The following SLC10A7 variants were observed in gnomAD, a reference collection of about 807,000 sequenced individuals.
SLC10A7 encodes solute carrier family 10 member 7.
In SLC10A7, 29 loss-of-function variants were observed where a neutral mutation model predicts 43.2. That is an observed-to-expected ratio of 0.67 (90% CI 0.50 to 0.92). SLC10A7 has a LOEUF of 0.92. SLC10A7 is among the 40% of genes least tolerant of loss of function. The probability of loss-of-function intolerance (pLI) is 0.00; values close to 1 mark genes in which losing one functional copy is unlikely to be tolerated. For synonymous variants in SLC10A7, 152 were observed against 144.8 expected, an observed-to-expected ratio of 1.05 and a Z score of -0.35; for missense variants, 295 against 403.2, an observed-to-expected ratio of 0.73 and a Z score of 2.30.
intron 4 of SLC10A7, among the ~76,000 whole-genome samples, chr4:146,492,060 A>G (rs1005722834): frequency 3.3e-5 from 5 of 152,046 alleles, no homozygotes; most frequent in Admixed American, 3.3e-4. Flanking sequence ...TACTAAAAAT[A>G]CCAAAAAAAA....
intron 4 of SLC10A7, among the ~76,000 whole-genome samples, chr4:146,443,579 A>G (rs1730777392): frequency 6.6e-6 from 1 of 152,246 alleles, no homozygotes; most frequent in Admixed American, 6.5e-5. Flanking sequence ...GATAAAAAGA[A>G]AACAAGAAAG....
At chr4:146,374,959 A>G (rs561190510) in intron 5 of SLC10A7, among the ~76,000 whole-genome samples, 1 of 152,246 alleles carries the variant, frequency 6.6e-6, no homozygotes, top group East Asian at 1.9e-4. Context: ...TAATCCTAGC[A>G]CTTTGGGAGG....
At chr4:146,305,658 A>G (rs1731515361) in intron 7 of SLC10A7, among the ~76,000 whole-genome samples, 1 of 152,156 alleles carries the variant, frequency 6.6e-6, no homozygotes, top group Admixed American at 6.6e-5. Context: ...GAGATAATAA[A>G]TTAAACAAAA....
At chr4:146,480,989 C>A (rs1212270209) in intron 4 of SLC10A7, among the ~76,000 whole-genome samples, 1 of 152,110 alleles carries the variant, frequency 6.6e-6, no homozygotes. Flanking sequence ...GGAAGGAAAC[C>A]TCAGGTCTCC....
chr4:146,283,138 A>G, intron 10 of SLC10A7, 54 bp downstream of exon 10: 1 of 1,365,840 alleles, frequency 7.3e-7, no homozygotes, highest in Non-Finnish European at 1.0e-6. Context: ...TCAAAGTCAT[A>G]AGATGTAACT....
At chr4:146,271,089 C>T (rs1043531797) in intron 10 of SLC10A7, among the ~76,000 whole-genome samples, 2 of 152,144 alleles carry the variant, frequency 1.3e-5, no homozygotes, top group African/African-American at 4.8e-5. Flanking sequence ...ATCTCAGGTT[C>T]TCAGTCCGTG....
At chr4:146,257,317 CT>C (rs1727945258) in intron 11 of SLC10A7, among the ~76,000 whole-genome samples, 1 of 152,190 alleles carries the variant, frequency 6.6e-6, no homozygotes, top group East Asian at 1.9e-4. Context: ...GAAGAGGAAT[CT>C]TTTTTATGTT....
chr4:146,266,368 A>G (rs951523570), intron 10 of SLC10A7, among the ~76,000 whole-genome samples: 8 of 152,042 alleles, frequency 5.3e-5, no homozygotes, highest in African/African-American at 1.9e-4. Context: ...CTCTTCAGAC[A>G]TCACCAAATG....
chr4:146,352,850 C>T (rs1453745193), intron 5 of SLC10A7, among the ~76,000 whole-genome samples: 1 of 144,100 alleles, frequency 6.9e-6, no homozygotes, highest in African/African-American at 2.7e-5. Flanking sequence ...AGAACAAAGA[C>T]ACCACATACC....
At chr4:146,361,044 C>T (rs908050854) in intron 5 of SLC10A7, among the ~76,000 whole-genome samples, 1 of 152,232 alleles carries the variant, frequency 6.6e-6, no homozygotes, top group Admixed American at 6.5e-5. Flanking sequence ...CAGGTATCAG[C>T]ACTCCTGAGG....
chr4:146,274,786 A>G (rs1350659729), intron 10 of SLC10A7, among the ~76,000 whole-genome samples: 1 of 152,176 alleles, frequency 6.6e-6, no homozygotes, highest in African/African-American at 2.4e-5. Context: ...ATTATACAAT[A>G]CTTAGTAGTA....
intron 5 of SLC10A7, among the ~76,000 whole-genome samples, chr4:146,424,610 A>G (rs80225923): frequency 0.029 from 4,346 of 152,112 alleles, 206 homozygotes; most frequent in African/African-American, 0.1. Context: ...CATTGAGCCA[A>G]GATCGGGCTA....
chr4:146,419,890 T>C (rs941490798), intron 5 of SLC10A7, among the ~76,000 whole-genome samples: 3 of 152,016 alleles, frequency 2.0e-5, no homozygotes, highest in Admixed American at 1.3e-4. Context: ...ATCTACCCAA[T>C]GTCTAATCAT....
At chr4:146,270,598 T>C (rs1413054447) in intron 10 of SLC10A7, among the ~76,000 whole-genome samples, 2 of 152,174 alleles carry the variant, frequency 1.3e-5, no homozygotes, top group African/African-American at 4.8e-5. Context: ...CTGACATCAC[T>C]AGTACGGCAC....
chr4:146,486,955 C>A (rs981833348), intron 4 of SLC10A7, among the ~76,000 whole-genome samples: 2 of 152,222 alleles, frequency 1.3e-5, no homozygotes, highest in Non-Finnish European at 2.9e-5. Flanking sequence ...ACCAACTCAC[C>A]ATAAGGAAGC....
At chr4:146,442,863 A>G (rs1730714638) in intron 4 of SLC10A7, 42 bp from the exon 5 acceptor site, 1 of 1,313,924 alleles carries the variant, frequency 7.6e-7, no homozygotes, top group East Asian at 2.4e-5. Flanking sequence ...CATTGAAAGT[A>G]AATAAGAATA....
intron 5 of SLC10A7, among the ~76,000 whole-genome samples, chr4:146,347,247 G>T (rs990420900): frequency 7.2e-5 from 11 of 151,960 alleles, no homozygotes; most frequent in Admixed American, 5.9e-4. Context: ...ATAGTGAATG[G>T]GACATAATAA....
At chr4:146,295,829 A>G (rs1730745982) in intron 7 of SLC10A7, among the ~76,000 whole-genome samples, 1 of 152,182 alleles carries the variant, frequency 6.6e-6, no homozygotes, top group Non-Finnish European at 1.5e-5. Context: ...CTGCCCTTCA[A>G]TCTTGTTTTT....
At position 146,516,253 on chromosome 4, in the gene SLC10A7, G is replaced by A. The variant is rs999308974; in HGVS notation, c.183+785C>T. On this transcript the variant is annotated intron_variant, in intron 2 of 11. Coordinates refer to ENST00000335472, the MANE Select transcript of SLC10A7 (RefSeq NM_001029998.6). ...TTCTCCTCTTTTTTTTTCTTCCATT[G>A]TAAGTTAAAAGAGAATCATAAATTC... is the stretch of plus-strand genomic sequence containing the variant. Among the ~76,000 whole-genome samples the A allele has an allele frequency of 2.7e-5, 4 of 150,510 alleles. No homozygotes were observed. The South Asian group carries it at 8.4e-4, about 32-fold the overall frequency.
Sources: allele counts gnomAD v4.1 joint callset (sites outside exome capture counted in the v4.1 genomes callset), GRCh38; gene constraint gnomAD v4.1.1; transcripts MANE v1.5; gene names NCBI Gene and HGNC (gene_info 2026-07-23, HGNC 2026-07-21).